ABCB8: variants seen among roughly 807,000 people sequenced by gnomAD.
ABCB8 encodes the protein mitochondrial potassium channel ATP-binding subunit.
ABCB8 carries 52 observed loss-of-function variants against 73.0 expected under a neutral mutation model. That is an observed-to-expected ratio of 0.71 (90% confidence interval 0.57 to 0.90). The LOEUF is 0.90. ABCB8 is among the 40% of genes least tolerant of loss of function. The pLI is 0.00. For synonymous variants in ABCB8, 428 were observed against 423.5 expected (o/e 1.01, Z -0.13); for missense variants, 909 against 974.6 (o/e 0.93, Z 0.90).
chr7:151,035,871 ACTC>A lies in ABCB8; in HGVS notation c.928-8_928-6del. ...CTGGACTCCTTGTCCTGTTTCCTGG[ACTC>A]CTTGCAGATCGCCAGGGCAATGGGC... On this transcript the variant is annotated splice_region_variant and splice_polypyrimidine_tract_variant and intron_variant, in intron 6 of 15. Coordinates refer to ENST00000358849, the MANE Select transcript of ABCB8 (RefSeq NM_007188.5). The A allele has an allele frequency of 1.9e-6, 3 of 1,612,244 alleles. No individual in the cohort carries two copies. The South Asian group carries it at 3.3e-5, about 18-fold the overall frequency.
At chr7:151,042,450 C>T (rs113955848) in intron 14 of ABCB8, among the ~76,000 whole-genome samples, 284 of 152,278 alleles carry the variant, frequency 1.9e-3, no homozygotes, top group African/African-American at 5.7e-3. Context: ...TCTAAAAGGC[C>T]GCCACTTCCC....
intron 14 of ABCB8, among the ~76,000 whole-genome samples, chr7:151,043,463 A>C (rs1364389836): frequency 7.6e-6 from 1 of 131,366 alleles, no homozygotes; most frequent in Non-Finnish European, 1.6e-5. Flanking sequence ...ACTAGGGTGC[A>C]CAGTGCGGGG....
chr7:151,034,306 A>G lies in ABCB8; in HGVS notation c.442A>G (p.Ile148Val), dbSNP rs751585670. 2.5e-6 allele frequency: 4 copies of G among 1,613,628 alleles called. No individual in the cohort carries two copies. Among genetic ancestry groups the G allele is most frequent in the Non-Finnish European group, 2.5e-6 (3 of 1,179,974 alleles). Residue 148 changes from isoleucine to valine, a missense_variant, in exon 3 of 16, where the codon ATC (isoleucine) becomes GTC (valine). Ile to Val is a conservative substitution (Grantham distance 29). Coordinates refer to ENST00000358849, the MANE Select transcript of ABCB8 (RefSeq NM_007188.5). ...ALGAALVNVQ[I>V]PLLLGQLVEV... The stretch of plus-strand genomic sequence containing the variant: ...GGGTGCGGCACTCGTGAATGTACAG[A>G]TCCCCCTGCTCCTGGGCCAGCTGGT...
chr7:151,044,225 A>G lies in ABCB8; in HGVS notation c.2016+4A>G. The G allele has an allele frequency of 6.3e-7, 1 of 1,596,590 alleles. No homozygotes were observed. The highest frequency in any genetic ancestry group is 8.6e-7 in the Non-Finnish European group (1 of 1,166,490). ...GGCCGATGGCCGTGTCTGGGAGGTT[A>G]GTTGTCCTGGGGGCGTGGATCAGTG... On this transcript the variant is annotated splice_donor_region_variant and intron_variant, in intron 15 of 15. Coordinates refer to ENST00000358849, the MANE Select transcript of ABCB8 (RefSeq NM_007188.5).
intron 15 of ABCB8, among the ~76,000 whole-genome samples, chr7:151,044,750 A>C (rs927753674): frequency 6.6e-6 from 1 of 152,158 alleles, no homozygotes; most frequent in African/African-American, 2.4e-5. Flanking sequence ...CTCAAAAAAC[A>C]AAAAGGAAAC....
chr7:151,030,913 C>T (rs535980371), intron 1 of ABCB8, among the ~76,000 whole-genome samples: 6 of 152,210 alleles, frequency 3.9e-5, no homozygotes, highest in South Asian at 2.1e-4. Context: ...GCTCTCCAGC[C>T]GGGGCAAAAG....
chr7:151,035,697 G>C lies in ABCB8; in HGVS notation c.882G>C (p.Leu294=). ...ATPALMGVGT[L]MGSGLRKLSR... is the part of the protein sequence containing the mutation. ...CAGCCCTGATGGGAGTGGGCACCCT[G>C]ATGGGCTCAGGCCTCCGAAAATTGT... The change falls in exon 6 of 16, where the codon CTG becomes CTC. Residue 294 remains leucine, a synonymous_variant. Transcript: ENST00000358849. 1 of 1,613,672 alleles carries C rather than the reference G, an allele frequency of 6.2e-7. No individual in the cohort carries two copies. The highest frequency in any genetic ancestry group is 1.1e-5 in the South Asian group (1 of 91,084).
intron 5 of ABCB8, 83 bp downstream of exon 5, chr7:151,034,912 C>T: frequency 7.8e-7 from 1 of 1,285,800 alleles, no homozygotes; most frequent in Non-Finnish European, 1.1e-6. Flanking sequence ...CCGCCCCAGC[C>T]CTGATGTTGG....
chr7:151,043,309 G>A (rs1172099758), intron 14 of ABCB8, among the ~76,000 whole-genome samples: 2 of 152,230 alleles, frequency 1.3e-5, no homozygotes, highest in African/African-American at 4.8e-5. Context: ...CTCAGAGGCA[G>A]GGCAAGTGTG....
chr7:151,033,187 G>A (rs902629065), intron 1 of ABCB8: 3 of 438,194 alleles, frequency 6.8e-6, no homozygotes, highest in Non-Finnish European at 1.4e-5. Context: ...GGGCACAGGA[G>A]CAGCTCTCTT....
Position 151,034,417 on chromosome 7 carries a change from T to G in ABCB8, c.553T>G (p.Tyr185Asp). ...TCTCAGCACCCACCTGCTTATCCTCTATGGTGTCCAGGTACAGCCGGGAGT... is the reference window on the plus strand; with the variant it reads ...TCTCAGCACCCACCTGCTTATCCTCGATGGTGTCCAGGTACAGCCGGGAGT... ...QNLSTHLLIL[Y>D]GVQGLLTFGY... Residue 185 changes from tyrosine to aspartate, a missense_variant, in exon 3 of 16, where the codon TAT (tyrosine) becomes GAT (aspartate). Coordinates refer to ENST00000358849, the MANE Select transcript of ABCB8 (RefSeq NM_007188.5). 6.2e-7 allele frequency: 1 copy of G among 1,613,942 alleles called. No homozygotes were observed. The highest frequency in any genetic ancestry group is 8.5e-7 in the Non-Finnish European group (1 of 1,179,980).
intron 14 of ABCB8, 37 bp from the exon 15 acceptor site, chr7:151,043,934 A>G: frequency 6.3e-7 from 1 of 1,599,832 alleles, no homozygotes; most frequent in South Asian, 1.1e-5. Context: ...CCTCAAGTGC[A>G]CAGCTTCAGG....
intron 1 of ABCB8, among the ~76,000 whole-genome samples, chr7:151,029,935 C>T (rs947958716): frequency 6.6e-6 from 1 of 152,172 alleles, no homozygotes; most frequent in Non-Finnish European, 1.5e-5. Flanking sequence ...CTGGATCGAG[C>T]TGGAGCTGGA....
At position 151,028,539 on chromosome 7, in the gene ABCB8, C is replaced by T. The variant is rs1348178494; in HGVS notation, c.24C>T (p.Val8=). 6.2e-6 allele frequency: 10 copies of T among 1,613,800 alleles called. No homozygotes were observed. The South Asian group carries it at 9.9e-5, about 16-fold the overall frequency. The change falls in exon 1 of 16, where the codon GTC becomes GTT. Residue 8 remains valine, a synonymous_variant. Coordinates refer to ENST00000358849, the MANE Select transcript of ABCB8 (RefSeq NM_007188.5). ...GCATGCTGGTGCATTTATTTCGGGTCGGGATTCGGGGTGGCCCATTCCCAG... is the reference window on the plus strand; with the variant it reads ...GCATGCTGGTGCATTTATTTCGGGTTGGGATTCGGGGTGGCCCATTCCCAG... MLVHLFR[V]GIRGGPFPGR... is the part of the protein sequence containing the mutation.
rs141594991 is a variant in ABCB8 at position 151,033,915 on chromosome 7, G to A, written c.406G>A (p.Val136Met). The change falls in exon 2 of 16, where the codon GTG becomes ATG. Residue 136 changes from valine (V) to methionine (M), a missense_variant and splice_region_variant. Physicochemically the swap from Val to Met is conservative, Grantham distance 21. Coordinates refer to ENST00000358849, the MANE Select transcript of ABCB8 (RefSeq NM_007188.5). Reference sequence around the variant, plus strand: ...CCTGCTGGTCCTGGGGGTAGCCGTCGTGGTGAGGCTTTCCCCACTTCTCCA... The same window carrying A: ...CCTGCTGGTCCTGGGGGTAGCCGTCATGGTGAGGCTTTCCCCACTTCTCCA... ...PHLLVLGVAV[V>M]LALGAALVNV... 2.2e-5 allele frequency: 35 copies of A among 1,586,364 alleles called. No individual in the cohort carries two copies. The highest frequency in any genetic ancestry group is 2.9e-5 in the Non-Finnish European group (34 of 1,165,112).
At chr7:151,035,417 TA>T (rs1796275639) in intron 5 of ABCB8, among the ~76,000 whole-genome samples, 163 bp from the exon 6 acceptor site, 1 of 152,154 alleles carries the variant, frequency 6.6e-6, no homozygotes, top group East Asian at 1.9e-4. Flanking sequence ...CTGGCCGAGT[TA>T]GGGTTACGTA....
chr7:151,033,617 C>G lies in ABCB8; in HGVS notation c.108C>G (p.Gly36=). The change falls in exon 2 of 16, where the codon GGC becomes GGG. Residue 36 remains glycine (G), a synonymous_variant. Transcript: ENST00000358849. ...TCTCTCCTTACAGGTACTCTGATGG[C>G]TACCGCAGCTCCTCCCTCCTCCGGG... The part of the protein sequence containing the change: ...QTFSAVRYSD[G]YRSSSLLRAV... 8.2e-6 allele frequency: 13 copies of G among 1,577,286 alleles called. No individual in the cohort carries two copies. Among genetic ancestry groups the G allele is most frequent in the Non-Finnish European group, 1.1e-5 (13 of 1,158,906 alleles).
chr7:151,028,508 G>C lies in ABCB8; in HGVS notation c.-8G>C, dbSNP rs113184419. ...TATTGCCGGCGGCTCCTGTTTTACC[G>C]CGTCAGCATGCTGGTGCATTTATTT... On this transcript the variant is annotated 5_prime_UTR_variant, in exon 1 of 16. Transcript: ENST00000358849. The C allele has an allele frequency of 6.9e-4, 1,113 of 1,611,886 alleles. 9 individuals are homozygous for C. The Middle Eastern group carries it at 7.2e-3, about 10-fold the overall frequency.
At chr7:151,034,233 C>T (rs1290570820) in intron 2 of ABCB8, 40 bp from the exon 3 acceptor site, 1 of 1,575,606 alleles carries the variant, frequency 6.3e-7, no homozygotes, top group East Asian at 2.2e-5. Flanking sequence ...GAGTGGCTCC[C>T]CCACTTAAAA....
Sources: gnomAD v4.1 joint callset for allele counts (sites outside exome capture counted in the v4.1 genomes callset) on GRCh38, gnomAD v4.1.1 for gene constraint, MANE v1.5 for transcripts, NCBI Gene and HGNC (gene_info 2026-07-23, HGNC 2026-07-21) for gene names.